The following WDR19 variants were observed in gnomAD, a reference collection of about 807,000 sequenced individuals.
The protein encoded by WDR19 is WD repeat-containing protein 19.
A neutral mutation model predicts 180.0 loss-of-function variants in WDR19; 121 were observed. The ratio of observed to expected loss-of-function variants is 0.67; its 90% confidence interval spans 0.58 to 0.78. The LOEUF is 0.78. Among genes scored for constraint, WDR19 ranks in the 30% least tolerant of loss-of-function variants. The pLI is 0.00. For synonymous variants in WDR19, 497 were observed against 540.7 expected (o/e 0.92, Z 1.12); for missense variants, 1,450 against 1,640.7 (o/e 0.88, Z 2.01).
chr4:39,270,847 T>C (rs941196960), intron 31 of WDR19, among the ~76,000 whole-genome samples: 1 of 151,748 alleles, frequency 6.6e-6, no homozygotes, highest in Non-Finnish European at 1.5e-5. Context: ...CATCCAAATA[T>C]AAAAATAATA....
chr4:39,253,970 A>C lies in WDR19; in HGVS notation c.2941A>C (p.Asn981His), dbSNP rs1486655648. Residue 981 changes from asparagine to histidine, a missense_variant, in exon 26 of 37, where the codon AAT (asparagine) becomes CAT (histidine). By Grantham distance (68) the Asn-to-His change is moderately conservative (BLOSUM62 1). Transcript: ENST00000399820. ...GTTTCTTGTCATGTCCAAATGCAAC[A>C]ATGAAGCTTTCACACTGGCTCAGCA... ...IQFLVMSKCN[N>H]EAFTLAQQHN... 3 of 1,612,712 alleles carry C rather than the reference A, an allele frequency of 1.9e-6. No homozygotes were observed. In the South Asian group the frequency reaches 3.3e-5, roughly 18 times the overall value.
Position 39,192,084 on chromosome 4 carries a change from C to T in WDR19, c.290+2303C>T, listed in dbSNP as rs141570820. Among the ~76,000 whole-genome samples the T allele has an allele frequency of 5.9e-5, 9 of 152,272 alleles. No individual in the cohort carries two copies. In the East Asian group the frequency reaches 1.5e-3, roughly 26 times the overall value. ...ATTTGATTACTTGATCTTCTTAGAA[C>T]ACATTATTTAACACTTTCTTTCTAG... is the stretch of plus-strand genomic sequence containing the variant. On this transcript the variant is annotated intron_variant, in intron 4 of 36. Transcript: ENST00000399820.
At chr4:39,208,770 T>G (rs1241309289) in intron 9 of WDR19, among the ~76,000 whole-genome samples, 1 of 152,170 alleles carries the variant, frequency 6.6e-6, no homozygotes, top group Non-Finnish European at 1.5e-5. Context: ...GGCACAGCAT[T>G]TAACCTTGTA....
At chr4:39,241,726 C>T (rs192686114) in intron 21 of WDR19, among the ~76,000 whole-genome samples, 253 of 148,826 alleles carry the variant, frequency 1.7e-3, no homozygotes, top group African/African-American at 5.9e-3. Flanking sequence ...AATTGGGAAG[C>T]GGAGGTTGTA....
chr4:39,239,698 A>G (rs1055937980), intron 20 of WDR19, among the ~76,000 whole-genome samples: 1 of 152,182 alleles, frequency 6.6e-6, no homozygotes, highest in African/African-American at 2.4e-5. Flanking sequence ...GCTCTTCAAA[A>G]TGCCTAGCAT....
At chr4:39,232,842 C>T (rs1173271504) in intron 19 of WDR19, among the ~76,000 whole-genome samples, 1 of 152,090 alleles carries the variant, frequency 6.6e-6, no homozygotes, top group Non-Finnish European at 1.5e-5. Flanking sequence ...CCTGAGTACT[C>T]ATTAATTATA....
At position 39,203,653 on chromosome 4, in the gene WDR19, A is replaced by G; in HGVS notation, c.534A>G (p.Arg178=). The change falls in exon 7 of 37, where the codon AGA becomes AGG. Residue 178 remains arginine (R), a synonymous_variant. Transcript: ENST00000399820. Reference sequence around the variant, plus strand: ...TTTTACTCCTTTAGACACAAGTGAGATCAGAGCCTAGCAACATGCAGTTTT... The same window carrying G: ...TTTTACTCCTTTAGACACAAGTGAGGTCAGAGCCTAGCAACATGCAGTTTT... The part of the protein sequence containing the change: ...EGDTIRQTQV[R]SEPSNMQFFL... 1 of 1,612,552 alleles carries G rather than the reference A, an allele frequency of 6.2e-7. No homozygotes were observed. The highest frequency in any genetic ancestry group is 8.5e-7 in the Non-Finnish European group (1 of 1,179,364).
chr4:39,188,788 TTTCCCAAG>T (rs1725842746), intron 3 of WDR19, among the ~76,000 whole-genome samples: 1 of 152,042 alleles, frequency 6.6e-6, no homozygotes, highest in Non-Finnish European at 1.5e-5. Context: ...TCTCTCTGTG[TTTCCCAAG>T]CTGGAGTACA....
chr4:39,216,273 C>G, intron 12 of WDR19, 63 bp downstream of exon 12: 1 of 1,332,090 alleles, frequency 7.5e-7, no homozygotes, highest in Non-Finnish European at 1.0e-6. Context: ...ATTTGGGAAG[C>G]ACTGCAAGTT....
At chr4:39,285,434 C>T (rs1452732931) in intron 36 of WDR19, 53 bp from the exon 37 acceptor site, 1 of 152,110 alleles carries the variant, frequency 6.6e-6, no homozygotes, top group African/African-American at 2.4e-5. Context: ...TACTAAATGC[C>T]AGCCATTACT....
chr4:39,255,866 A>C lies in WDR19; in HGVS notation c.3020A>C (p.Asn1007Thr), dbSNP rs1227206982. Residue 1007 changes from asparagine (N) to threonine (T), a missense_variant, in exon 27 of 37, where the codon AAT (asparagine) becomes ACT (threonine). Asn to Thr is a moderately conservative substitution (Grantham distance 65, BLOSUM62 0). Coordinates refer to ENST00000399820, the MANE Select transcript of WDR19 (RefSeq NM_025132.4). Reference sequence around the variant, plus strand: ...GTTACAGGTTCTGAAGACACTACTAATGAAGACTATCAAAGCATTGCCTTA... The same window carrying C: ...GTTACAGGTTCTGAAGACACTACTACTGAAGACTATCAAAGCATTGCCTTA... ...ADIIGSEDTTNEDYQSIALYF... is the reference protein window; with the variant it reads ...ADIIGSEDTTTEDYQSIALYF... 5.6e-6 allele frequency: 9 copies of C among 1,601,818 alleles called. No homozygotes were observed. Among genetic ancestry groups the C allele is most frequent in the Non-Finnish European group, 7.7e-6 (9 of 1,174,012 alleles).
intron 8 of WDR19, 96 bp from the exon 9 acceptor site, chr4:39,205,467 C>A: frequency 3.7e-6 from 5 of 1,350,934 alleles, no homozygotes; most frequent in Non-Finnish European, 5.0e-6. Flanking sequence ...AAATTATATT[C>A]TATAATTCCT....
chr4:39,244,564 C>G lies in WDR19; in HGVS notation c.2645+12C>G, dbSNP rs1239995282. ...CGCTCTAAGAATTGGTAAGAGCTGC[C>G]TGCGGTTTGTTTCTGAACAGGATTG... On this transcript the variant is annotated intron_variant, in intron 23 of 36. Transcript: ENST00000399820. 2 of 1,613,894 alleles carry G rather than the reference C, an allele frequency of 1.2e-6. No homozygotes were observed. The highest frequency in any genetic ancestry group is 1.1e-5 in the South Asian group (1 of 91,058).
intron 20 of WDR19, among the ~76,000 whole-genome samples, chr4:39,236,959 A>G (rs1022874852): frequency 6.6e-6 from 1 of 152,244 alleles, no homozygotes; most frequent in South Asian, 2.1e-4. Flanking sequence ...ACATTCAGCC[A>G]TGGTTGGTGC....
chr4:39,190,985 G>T (rs905395484), intron 4 of WDR19, among the ~76,000 whole-genome samples: 1 of 152,292 alleles, frequency 6.6e-6, no homozygotes, highest in East Asian at 1.9e-4. Context: ...TTTCTAACTG[G>T]TCTATCTCTG....
chr4:39,243,998 G>A (rs574136006), intron 21 of WDR19, among the ~76,000 whole-genome samples: 1 of 152,024 alleles, frequency 6.6e-6, no homozygotes, highest in East Asian at 1.9e-4. Context: ...ACATATGAGG[G>A]ATAGTAAAAA....
intron 12 of WDR19, among the ~76,000 whole-genome samples, chr4:39,216,510 A>G (rs1435536437): frequency 6.6e-6 from 1 of 152,156 alleles, no homozygotes; most frequent in African/African-American, 2.4e-5. Context: ...CTATAGACAA[A>G]TCATTTTACA....
At chr4:39,231,197 G>C (rs938883101) in intron 17 of WDR19, among the ~76,000 whole-genome samples, 3 of 151,984 alleles carry the variant, frequency 2.0e-5, no homozygotes, top group African/African-American at 4.8e-5. Context: ...TGTAGTCCCA[G>C]CTATTCGGGA....
chr4:39,266,063 G>A lies in WDR19; in HGVS notation c.3184G>A (p.Val1062Ile), dbSNP rs1281541784. Residue 1062 changes from valine to isoleucine, a missense_variant and splice_region_variant, in exon 29 of 37, where the codon GTT (valine) becomes ATT (isoleucine). Physicochemically the swap from Val to Ile is conservative, Grantham distance 29. Transcript: ENST00000399820. The stretch of plus-strand genomic sequence containing the variant: ...TGGGTTTTTCTCTCTTATTAAACAG[G>A]TTGGTCAGGCCAAAGATGAACTGCT... ...NVAIEMAIET[V>I]GQAKDELLTN... is the part of the protein sequence containing the mutation. The A allele has an allele frequency of 6.4e-7, 1 of 1,553,608 alleles. No individual in the cohort carries two copies. Among genetic ancestry groups the A allele is most frequent in the South Asian group, 1.2e-5 (1 of 84,076 alleles).
Sources: allele counts gnomAD v4.1 joint callset (sites outside exome capture counted in the v4.1 genomes callset), GRCh38; gene constraint gnomAD v4.1.1; transcripts MANE v1.5; gene names NCBI Gene and HGNC (gene_info 2026-07-23, HGNC 2026-07-21).